The following ITGB2 variants were observed in gnomAD, a reference collection of about 807,000 sequenced individuals.
The protein encoded by ITGB2 is integrin beta-2.
ITGB2 carries 56 observed loss-of-function variants against 86.8 expected under a neutral mutation model. That is an observed-to-expected ratio of 0.65 (90% confidence interval 0.52 to 0.81). The LOEUF is 0.81. Among genes scored for constraint, ITGB2 ranks in the 30% least tolerant of loss-of-function variants. The pLI is 0.00. For missense variants in ITGB2, 948 were observed against 1,061.2 expected (o/e 0.89, Z 1.48); for synonymous variants, 457 against 450.4 (o/e 1.01, Z -0.19).
rs368913880 is a variant in ITGB2, at chr21:44,888,824, A to G, written c.1949T>C (p.Leu650Pro). The change falls in exon 14 of 16, where the codon CTG becomes CCG. Residue 650 changes from leucine (L) to proline (P), a missense_variant. Transcript: ENST00000652462. ...CTTCACGGGGTTGTTCGACAGCTGC[A>G]GGCCCGGACACGCCGCGCTGCAGTT... is the stretch of plus-strand genomic sequence containing the variant. ...GKNCSAACPG[L>P]QLSNNPVKGR... 2.3e-5 allele frequency: 37 copies of G among 1,611,134 alleles called. No individual in the cohort carries two copies. Among genetic ancestry groups the G allele is most frequent in the Non-Finnish European group, 3.1e-5 (37 of 1,179,974 alleles).
At chr21:44,906,794 C>T (rs910910104) in intron 4 of ITGB2, 121 bp downstream of exon 4, 11 of 1,052,906 alleles carry the variant, frequency 1.0e-5, no homozygotes, top group South Asian at 5.3e-5. Context: ...CCCACACACC[C>T]GTCCGACCCG....
chr21:44,894,728 G>C (rs971275123), intron 9 of ITGB2: 17 of 570,838 alleles, frequency 3.0e-5, no homozygotes, highest in Middle Eastern at 4.8e-4. Context: ...GAAGAGTCCG[G>C]AGCTCAGGTT....
At chr21:44,908,619 G>C (rs977804916) in intron 3 of ITGB2, among the ~76,000 whole-genome samples, 1 of 152,100 alleles carries the variant, frequency 6.6e-6, no homozygotes, top group Admixed American at 6.5e-5. Flanking sequence ...TTTCTTTTTC[G>C]GGGAGCTCGG....
intron 1 of ITGB2, 142 bp from the exon 2 acceptor site, chr21:44,910,927 A>C: frequency 1.3e-6 from 1 of 784,750 alleles, no homozygotes; most frequent in Non-Finnish European, 2.1e-6. Flanking sequence ...TCAGGCCAGC[A>C]CAGCTGCACT....
intron 12 of ITGB2, 110 bp downstream of exon 12, chr21:44,889,868 C>T: frequency 1.3e-6 from 2 of 1,496,044 alleles, no homozygotes; most frequent in Non-Finnish European, 1.8e-6. Flanking sequence ...ACTGTCTGTC[C>T]TCAGGATCCC....
chr21:44,889,386 C>G lies in ITGB2; in HGVS notation c.1767G>C (p.Glu589Asp). 6.2e-7 allele frequency: 1 copy of G among 1,612,876 alleles called. No individual in the cohort carries two copies. The highest frequency in any genetic ancestry group is 8.5e-7 in the Non-Finnish European group (1 of 1,179,856). ...AGCGGCACCGGCCACGACCACTACA[C>G]TCAACACGCCGCGGGTTCAGGCAGC... ...TEGCLNPRRVECSGRGRCRCN... is the reference protein window; with the variant it reads ...TEGCLNPRRVDCSGRGRCRCN... The change falls in exon 13 of 16, where the codon GAG (glutamate) becomes GAC (aspartate). Residue 589 changes from glutamate to aspartate, a missense_variant. Transcript: ENST00000652462.
At chr21:44,888,995 G>A (rs981375748) in intron 13 of ITGB2, 100 bp from the exon 14 acceptor site, 5 of 1,088,636 alleles carry the variant, frequency 4.6e-6, no homozygotes, top group Non-Finnish European at 6.7e-6. Context: ...GGGCAGGTGG[G>A]GTTGGGGCGC....
At chr21:44,911,043 GAGGCACACAACAC>G (rs1451666982) in intron 1 of ITGB2, 2 of 564,444 alleles carry the variant, frequency 3.5e-6, no homozygotes, top group Non-Finnish European at 6.4e-6. Flanking sequence ...GGCCCCTGCA[GAGGCACACAACAC>G]AGGCACACAC....
At chr21:44,897,998 C>A (rs568496327) in intron 8 of ITGB2, among the ~76,000 whole-genome samples, 8 of 152,332 alleles carry the variant, frequency 5.3e-5, no homozygotes, top group African/African-American at 1.7e-4. Flanking sequence ...TGGTAGACCC[C>A]GGCTGAGCTC....
At chr21:44,908,629 G>C (rs2146542559) in intron 3 of ITGB2, among the ~76,000 whole-genome samples, 1 of 152,250 alleles carries the variant, frequency 6.6e-6, no homozygotes, top group African/African-American at 2.4e-5. Context: ...GGGGAGCTCG[G>C]CTCTTAAGAC....
chr21:44,886,657 C>T (rs1376042137), intron 15 of ITGB2, 79 bp downstream of exon 15: 26 of 1,581,484 alleles, frequency 1.6e-5, no homozygotes, highest in South Asian at 8.9e-5. Context: ...CGGGTGTCCA[C>T]GGCCTCCCGC....
intron 1 of ITGB2, among the ~76,000 whole-genome samples, chr21:44,912,293 G>C (rs2084145940): frequency 6.6e-6 from 1 of 152,148 alleles, no homozygotes. Flanking sequence ...TGGCCCGGGA[G>C]GCTCGGGTGC....
intron 8 of ITGB2, among the ~76,000 whole-genome samples, 180 bp downstream of exon 8, chr21:44,898,887 G>A (rs567528497): frequency 2.0e-4 from 30 of 152,186 alleles, no homozygotes; most frequent in African/African-American, 6.5e-4. Flanking sequence ...ACACGCAGGC[G>A]TCCTGTCCCC....
intron 14 of ITGB2, among the ~76,000 whole-genome samples, chr21:44,887,992 C>T (rs1472148718): frequency 6.6e-6 from 1 of 152,244 alleles, no homozygotes. Flanking sequence ...CTCTGCCTCT[C>T]AGGAGCCTGT....
intron 15 of ITGB2, 77 bp from the exon 16 acceptor site, chr21:44,886,507 C>A: frequency 2.6e-6 from 4 of 1,512,718 alleles, no homozygotes; most frequent in Non-Finnish European, 2.8e-6. Flanking sequence ...AGGACACTCC[C>A]CGCATGGAAG....
At chr21:44,921,871 G>A (rs951055193), upstream of ITGB2, among the ~76,000 whole-genome samples, 2 of 152,106 alleles carry the variant, frequency 1.3e-5, no homozygotes, top group African/African-American at 4.8e-5. Context: ...ACAGGCACAT[G>A]TACCACCACG....
chr21:44,909,202 A>T (rs2084091875), intron 3 of ITGB2: 1 of 152,242 alleles, frequency 6.6e-6, no homozygotes, highest in Non-Finnish European at 1.5e-5. Context: ...CGGGATGGGG[A>T]GGCCGGGGGG....
chr21:44,907,061 C>G lies in ITGB2; in HGVS notation c.182G>C (p.Arg61Pro). Residue 61 changes from arginine to proline, a missense_variant, in exon 4 of 16, where the codon CGC becomes CCC. Arg to Pro is a moderately radical substitution (Grantham distance 103, BLOSUM62 -2). Transcript: ENST00000652462. ...FTGPGDPDSIRCDTRPQLLMR... is the reference protein window; with the variant it reads ...FTGPGDPDSIPCDTRPQLLMR... ...GAGCAGCTGTGGCCGGGTGTCGCAGCGAATGGAGTCAGGATCCCCCGGCCC... is the reference window on the plus strand; with the variant it reads ...GAGCAGCTGTGGCCGGGTGTCGCAGGGAATGGAGTCAGGATCCCCCGGCCC... 2 of 1,609,934 alleles carry G rather than the reference C, an allele frequency of 1.2e-6. No homozygotes were observed. The highest frequency in any genetic ancestry group is 1.7e-6 in the Non-Finnish European group (2 of 1,176,940).
At chr21:44,886,992 C>T in intron 14 of ITGB2, 90 bp from the exon 15 acceptor site, 2 of 1,516,328 alleles carry the variant, frequency 1.3e-6, no homozygotes, top group Non-Finnish European at 1.8e-6. Flanking sequence ...CACAACACAG[C>T]ACTTAGAGAG....
Sources: allele counts gnomAD v4.1 joint callset (sites outside exome capture counted in the v4.1 genomes callset), GRCh38; gene constraint gnomAD v4.1.1; transcripts MANE v1.5; gene names NCBI Gene and HGNC (gene_info 2026-07-23, HGNC 2026-07-21).